NID2: variants seen among roughly 807,000 people sequenced by gnomAD.
The protein encoded by NID2 is nidogen 2.
A neutral mutation model predicts 145.4 loss-of-function variants in NID2; 83 were observed. That is an observed-to-expected ratio of 0.57 (90% CI 0.48 to 0.69). The LOEUF (loss-of-function observed/expected upper bound fraction) is 0.69. Ranked by LOEUF, NID2 falls within the 30% of genes least tolerant of loss-of-function variation. The pLI, the probability that NID2 is intolerant of heterozygous loss-of-function variation, is 0.00. For synonymous variants in NID2, 739 were observed against 701.3 expected (o/e 1.05, Z -0.85); for missense variants, 1,807 against 1,765.7 (o/e 1.02, Z -0.42).
intron 9 of NID2, among the ~76,000 whole-genome samples, chr14:52,033,621 T>TGA (rs1891953986): frequency 6.6e-5 from 3 of 45,660 alleles, no homozygotes; most frequent in African/African-American, 7.5e-5. Context: ...CCAACAACTA[T>TGA]CGTTCCCTCT....
intron 9 of NID2, among the ~76,000 whole-genome samples, chr14:52,030,493 G>GAAAGAAAGA (rs1566755257): frequency 2.3e-4 from 8 of 34,490 alleles, no homozygotes; most frequent in Non-Finnish European, 5.7e-4. Context: ...AAGAAAGAAA[G>GAAAGAAAGA]AAAGAAAGAG....
intron 3 of NID2, 37 bp downstream of exon 3, chr14:52,060,087 T>A: frequency 6.8e-7 from 1 of 1,462,572 alleles, no homozygotes; most frequent in Non-Finnish European, 9.5e-7. Flanking sequence ...AGTCCTTATA[T>A]TCAAATAGGA....
At chr14:52,016,004 T>G (rs558967879) in intron 14 of NID2, among the ~76,000 whole-genome samples, 1 of 152,172 alleles carries the variant, frequency 6.6e-6, no homozygotes, top group Non-Finnish European at 1.5e-5. Context: ...CAAAGCTGAA[T>G]CTTTTCCTGC....
intron 19 of NID2, chr14:52,007,324 G>C (rs1890824244): frequency 6.1e-6 from 1 of 163,890 alleles, no homozygotes; most frequent in Admixed American, 6.2e-5. Flanking sequence ...ATATTCTTTA[G>C]TATAGAACTA....
At chr14:52,040,392 C>T (rs2140399223) in intron 8 of NID2, among the ~76,000 whole-genome samples, 1 of 152,260 alleles carries the variant, frequency 6.6e-6, no homozygotes, top group Admixed American at 6.5e-5. Context: ...TCCCTACCCA[C>T]CCCATGGACA....
At chr14:52,064,658 G>A (rs562623570) in intron 2 of NID2, among the ~76,000 whole-genome samples, 25 of 152,250 alleles carry the variant, frequency 1.6e-4, no homozygotes, top group African/African-American at 5.8e-4. Context: ...ACCATAGCGG[G>A]CAACCTTGCA....
intron 3 of NID2, among the ~76,000 whole-genome samples, chr14:52,055,412 A>T (rs943394984): frequency 6.6e-6 from 1 of 152,248 alleles, no homozygotes; most frequent in Non-Finnish European, 1.5e-5. Context: ...ATGTAAAAAA[A>T]TTCAAATAAA....
intron 21 of NID2, 65 bp downstream of exon 21, chr14:52,005,672 A>C: frequency 7.0e-7 from 1 of 1,432,758 alleles, no homozygotes; most frequent in East Asian, 2.3e-5. Context: ...GGGGTAATCA[A>C]ATACCATATA....
rs762841711 is a variant in NID2, at chr14:52,038,955, T to C, written c.2049A>G (p.Arg683=). ...SDSTVTSTSS[R]DYSLTFGAIN... ...TTGCACCAAAAGTCAGAGAGTAGTCTCTGGAACTTGTAGAGGTCACAGCTG... is the reference window on the plus strand; with the variant it reads ...TTGCACCAAAAGTCAGAGAGTAGTCCCTGGAACTTGTAGAGGTCACAGCTG... The change falls in exon 9 of 22, where the codon AGA becomes AGG. Residue 683 remains arginine, a synonymous_variant. Coordinates refer to ENST00000216286, the MANE Select transcript of NID2 (RefSeq NM_007361.4). 1 of 1,613,514 alleles carries C rather than the reference T, an allele frequency of 6.2e-7. No individual in the cohort carries two copies. The highest frequency in any genetic ancestry group is 8.5e-7 in the Non-Finnish European group (1 of 1,179,732).
intron 9 of NID2, among the ~76,000 whole-genome samples, chr14:52,031,334 A>G (rs1477395043): frequency 6.6e-6 from 1 of 152,136 alleles, no homozygotes; most frequent in Non-Finnish European, 1.5e-5. Context: ...GCAATTCCCC[A>G]TTGGCAGGTC....
intron 12 of NID2, among the ~76,000 whole-genome samples, chr14:52,024,437 C>G (rs1891510381): frequency 6.6e-6 from 1 of 152,182 alleles, no homozygotes. Flanking sequence ...CAATGGTCCT[C>G]AAAGAACCGA....
At chr14:52,061,727 T>C (rs1893025993) in intron 2 of NID2, among the ~76,000 whole-genome samples, 1 of 152,228 alleles carries the variant, frequency 6.6e-6, no homozygotes, top group Non-Finnish European at 1.5e-5. Flanking sequence ...ACATTCTGTT[T>C]ACCCTCATAT....
chr14:52,060,413 A>G, intron 2 of NID2, 57 bp from the exon 3 acceptor site: 1 of 984,332 alleles, frequency 1.0e-6, no homozygotes, highest in Non-Finnish European at 1.4e-6. Context: ...CCTGTAAAAA[A>G]CAAATAAAAG....
At chr14:52,026,677 G>T (rs770543735) in intron 12 of NID2, among the ~76,000 whole-genome samples, 2 of 152,172 alleles carry the variant, frequency 1.3e-5, no homozygotes, top group Non-Finnish European at 2.9e-5. Context: ...CCTTGCAAAT[G>T]GTTTGGTGCT....
intron 16 of NID2, 156 bp from the exon 17 acceptor site, chr14:52,011,839 G>A: frequency 1.2e-6 from 1 of 842,242 alleles, no homozygotes; most frequent in South Asian, 1.7e-5. Context: ...GCACTCGGGT[G>A]AAATCTAGGC....
intron 1 of NID2, 31 bp from the exon 2 acceptor site, chr14:52,068,194 G>A: frequency 6.2e-7 from 1 of 1,601,628 alleles, no homozygotes; most frequent in African/African-American, 1.3e-5. Context: ...AAAGGTGACA[G>A]TCGCTCAAGC....
In NID2 at chr14:52,054,268, G is replaced by A; in HGVS notation, c.821C>T (p.Ser274Phe). 2 of 1,614,172 alleles carry A rather than the reference G, an allele frequency of 1.2e-6. No homozygotes were observed. Among genetic ancestry groups the A allele is most frequent in the Admixed American group, 3.3e-5 (2 of 60,024 alleles). The stretch of plus-strand genomic sequence containing the variant: ...AGCTGGCCTGACATTGTCCAACGGG[G>A]AAGTGCTGCCGATATGGAAAGCCCA... ...GVWAFHIGST[S>F]PLDNVRPAAV... The change falls in exon 4 of 22, where the codon TCC becomes TTC. Residue 274 changes from serine to phenylalanine, a missense_variant. Coordinates refer to ENST00000216286, the MANE Select transcript of NID2 (RefSeq NM_007361.4).
chr14:52,020,863 A>G (rs1356987987), intron 12 of NID2, among the ~76,000 whole-genome samples: 1 of 152,124 alleles, frequency 6.6e-6, no homozygotes, highest in Non-Finnish European at 1.5e-5. Context: ...AGGCCCCTAC[A>G]CTCTCCACAT....
At chr14:52,035,016 T>C (rs34614596) in intron 9 of NID2, among the ~76,000 whole-genome samples, 13,282 of 55,688 alleles carry the variant, frequency 0.24, 632 homozygotes, top group Middle Eastern at 0.37. Context: ...GAGCAGAAAG[T>C]ACGAGCTCCC....
Sources: allele counts gnomAD v4.1 joint callset (sites outside exome capture counted in the v4.1 genomes callset), GRCh38; gene constraint gnomAD v4.1.1; transcripts MANE v1.5; gene names NCBI Gene and HGNC (gene_info 2026-07-23, HGNC 2026-07-21).